Variants in LRRTM4 observed in about 807,000 individuals in gnomAD.
LRRTM4 encodes the protein leucine rich repeat transmembrane neuronal 4, also known as leucine-rich repeat transmembrane neuronal protein 4.
LRRTM4 carries 25 observed loss-of-function variants against 47.6 expected under a neutral mutation model. The observed-to-expected ratio is 0.53, with a 90% CI of 0.38 to 0.73. The LOEUF (loss-of-function observed/expected upper bound fraction) is 0.73, where lower values mean the gene tolerates loss of function less well. LRRTM4 is among the 30% of genes least tolerant of loss of function. The probability of loss-of-function intolerance (pLI) is 0.00; values close to 1 mark genes in which losing one functional copy is unlikely to be tolerated. For missense variants in LRRTM4, 638 were observed against 713.4 expected (o/e 0.89, Z 1.20); for synonymous variants, 311 against 269.5 (o/e 1.15, Z -1.51).
intron 3 of LRRTM4, among the ~76,000 whole-genome samples, chr2:77,305,612 A>T (rs1364829082): frequency 6.6e-6 from 1 of 152,124 alleles, no homozygotes; most frequent in African/African-American, 2.4e-5. Context: ...AACTCAATGC[A>T]TGTTTTAAAA....
chr2:76,816,057 G>A (rs1039174624), intron 3 of LRRTM4, among the ~76,000 whole-genome samples: 1 of 151,962 alleles, frequency 6.6e-6, no homozygotes, highest in African/African-American at 2.4e-5. Context: ...CAGATTAGCA[G>A]ATACAACCTG....
At chr2:77,063,749 A>G (rs1679867904) in intron 3 of LRRTM4, among the ~76,000 whole-genome samples, 1 of 152,232 alleles carries the variant, frequency 6.6e-6, no homozygotes. Context: ...AGTTTCAAAC[A>G]TTACCCATCC....
chr2:77,283,823 A>AG (rs1676574658), intron 3 of LRRTM4, among the ~76,000 whole-genome samples: 1 of 152,012 alleles, frequency 6.6e-6, no homozygotes, highest in South Asian at 2.1e-4. Context: ...GATTACTAGA[A>AG]GGGGAGGGAA....
chr2:76,954,733 T>C (rs1180782437), intron 3 of LRRTM4, among the ~76,000 whole-genome samples: 2 of 151,770 alleles, frequency 1.3e-5, no homozygotes, highest in Non-Finnish European at 2.9e-5. Context: ...CCCACGCTGA[T>C]ATACGCGATA....
intron 3 of LRRTM4, among the ~76,000 whole-genome samples, chr2:76,830,817 T>G (rs1219925905): frequency 6.6e-6 from 1 of 152,022 alleles, no homozygotes; most frequent in African/African-American, 2.4e-5. Context: ...AGGTGAGACA[T>G]TGGTAAAATG....
At chr2:77,482,215 T>C (rs546755014) in intron 3 of LRRTM4, among the ~76,000 whole-genome samples, 87 of 152,316 alleles carry the variant, frequency 5.7e-4, no homozygotes, top group African/African-American at 2.0e-3. Context: ...TGGTGCTTTT[T>C]TCCAATATGA....
Position 76,908,090 on chromosome 2 carries a change from C to G in LRRTM4, c.1552-159174G>C, listed in dbSNP as rs1573295595. Among the ~76,000 whole-genome samples the G allele has an allele frequency of 2.0e-5, 3 of 151,594 alleles. No individual in the cohort carries two copies. The East Asian group carries it at 5.9e-4, about 30-fold the overall frequency. On this transcript the variant is annotated intron_variant, in intron 3 of 3. Coordinates refer to ENST00000409884, the MANE Select transcript of LRRTM4 (RefSeq NM_001134745.3). ...CTTGATGAACATTGATGCAAAAATCCTCAATAAAATACTGGCAAACCGAAT... is the reference window on the plus strand; with the variant it reads ...CTTGATGAACATTGATGCAAAAATCGTCAATAAAATACTGGCAAACCGAAT...
At chr2:77,122,462 T>G (rs1671544163) in intron 3 of LRRTM4, among the ~76,000 whole-genome samples, 1 of 150,160 alleles carries the variant, frequency 6.7e-6, no homozygotes, top group South Asian at 2.1e-4. Context: ...ACATATATAA[T>G]CATATATATA....
chr2:76,846,179 T>C (rs1671831916), intron 3 of LRRTM4, among the ~76,000 whole-genome samples: 2 of 152,030 alleles, frequency 1.3e-5, no homozygotes, highest in Admixed American at 6.6e-5. Context: ...GGGATGACTG[T>C]AATTCCAAAA....
At chr2:76,941,305 CATTTT>C (rs1675135225) in intron 3 of LRRTM4, among the ~76,000 whole-genome samples, 1 of 152,010 alleles carries the variant, frequency 6.6e-6, no homozygotes, top group African/African-American at 2.4e-5. Context: ...GTGTAAAACA[CATTTT>C]ATTTTATATA....
chr2:77,164,541 T>C (rs553957527), intron 3 of LRRTM4, among the ~76,000 whole-genome samples: 253 of 152,266 alleles, frequency 1.7e-3, no homozygotes, highest in African/African-American at 5.9e-3. Context: ...TATTCCAAAA[T>C]TGCCCACATA....
chr2:77,165,438 G>A (rs1319090963), intron 3 of LRRTM4, among the ~76,000 whole-genome samples: 2 of 152,142 alleles, frequency 1.3e-5, no homozygotes, highest in South Asian at 2.1e-4. Flanking sequence ...TAGAAAAAGA[G>A]GGAATCCTTC....
Position 77,091,924 on chromosome 2 carries a change from G to A in LRRTM4, c.1552-343008C>T, listed in dbSNP as rs188016774. ...CCTTTCCTTCCTGGGCATGGTTAGCGCGGTCAGAATTCTTACACAAGAACC... is the reference window on the plus strand; with the variant it reads ...CCTTTCCTTCCTGGGCATGGTTAGCACGGTCAGAATTCTTACACAAGAACC... On this transcript the variant is annotated intron_variant, in intron 3 of 3. Transcript: ENST00000409884. Among the ~76,000 whole-genome samples, 648 of 143,116 alleles carry A rather than the reference G, an allele frequency of 4.5e-3. 5 individuals carry two copies. Among genetic ancestry groups the A allele is most frequent in the Admixed American group, 7.4e-3 (107 of 14,420 alleles). The allele number at this position is 143,116 out of a possible 152,430, so 93.9% of individuals were successfully genotyped here.
At chr2:76,898,499 G>C (rs1297432759) in intron 3 of LRRTM4, among the ~76,000 whole-genome samples, 1 of 137,350 alleles carries the variant, frequency 7.3e-6, no homozygotes, top group East Asian at 2.1e-4. Context: ...GATGAGGTGA[G>C]CAGAGAATGC....
intron 3 of LRRTM4, among the ~76,000 whole-genome samples, chr2:77,288,695 T>C (rs1282727341): frequency 6.6e-6 from 1 of 152,118 alleles, no homozygotes; most frequent in Non-Finnish European, 1.5e-5. Flanking sequence ...AGGCAGAATC[T>C]AATCTTTAGA....
chr2:76,874,362 G>T (rs1417013487), intron 3 of LRRTM4, among the ~76,000 whole-genome samples: 1 of 151,798 alleles, frequency 6.6e-6, no homozygotes, highest in African/African-American at 2.4e-5. Context: ...TTTATTCTAT[G>T]GCTATACTGT....
chr2:76,970,785 G>C (rs1432530157), intron 3 of LRRTM4, among the ~76,000 whole-genome samples: 2 of 151,972 alleles, frequency 1.3e-5, no homozygotes, highest in Non-Finnish European at 2.9e-5. Flanking sequence ...GGTGTTTCGT[G>C]ACCAGTACGT....
intron 3 of LRRTM4, among the ~76,000 whole-genome samples, chr2:77,440,743 C>T (rs1213023133): frequency 6.6e-6 from 1 of 152,130 alleles, no homozygotes; most frequent in Non-Finnish European, 1.5e-5. Flanking sequence ...ATTTTCAAAA[C>T]ATCAAACTGT....
At chr2:77,047,743 G>T (rs1179719125) in intron 3 of LRRTM4, among the ~76,000 whole-genome samples, 1 of 151,958 alleles carries the variant, frequency 6.6e-6, no homozygotes, top group Non-Finnish European at 1.5e-5. Flanking sequence ...CATTCTGAGG[G>T]ACTGGGGATT....
Sources: allele counts gnomAD v4.1 joint callset (sites outside exome capture counted in the v4.1 genomes callset), GRCh38; gene constraint gnomAD v4.1.1; transcripts MANE v1.5; gene names NCBI Gene and HGNC (gene_info 2026-07-23, HGNC 2026-07-21).